The following TANC2 variants were observed in gnomAD, a reference collection of about 807,000 sequenced individuals.
The protein encoded by TANC2 is protein TANC2.
A neutral mutation model predicts 210.5 loss-of-function variants in TANC2; 26 were observed. That is an observed-to-expected ratio of 0.12 (90% CI 0.09 to 0.17). TANC2 has a LOEUF of 0.17. Among genes scored for constraint, TANC2 ranks in the 10% least tolerant of loss-of-function variants. TANC2 has a pLI of 1.00. For missense variants in TANC2, 2,129 were observed against 2,608.9 expected, an observed-to-expected ratio of 0.82 and a Z score of 4.01; for synonymous variants, 931 against 967.1, an observed-to-expected ratio of 0.96 and a Z score of 0.69.
At chr17:63,255,017 C>G (rs1481219077) in intron 8 of TANC2, among the ~76,000 whole-genome samples, 1 of 151,564 alleles carries the variant, frequency 6.6e-6, no homozygotes, top group African/African-American at 2.4e-5. Context: ...CTCTCCTCCT[C>G]TACTTTTTTG....
At chr17:63,197,701 G>A (rs1430727768) in intron 6 of TANC2, 1 of 152,132 alleles carries the variant, frequency 6.6e-6, no homozygotes, top group Non-Finnish European at 1.5e-5. Flanking sequence ...CTTATGTTGT[G>A]TATTTGTAGG....
chr17:63,004,092 A>G (rs555822181), intron 1 of TANC2, among the ~76,000 whole-genome samples: 12 of 152,314 alleles, frequency 7.9e-5, no homozygotes, highest in Admixed American at 3.3e-4. Flanking sequence ...GAACAGGGAA[A>G]GTTTAGAGGG....
intron 5 of TANC2, among the ~76,000 whole-genome samples, chr17:63,189,741 G>T (rs1270632260): frequency 2.0e-5 from 3 of 152,102 alleles, no homozygotes; most frequent in African/African-American, 7.2e-5. Context: ...TTTGAAGCAT[G>T]ACACTTCTTA....
chr17:63,284,609 C>T (rs2044164730), intron 9 of TANC2, among the ~76,000 whole-genome samples: 1 of 151,962 alleles, frequency 6.6e-6, no homozygotes, highest in Non-Finnish European at 1.5e-5. Context: ...TATCAAAGAA[C>T]ATGCTTTGTA....
chr17:63,333,446 G>C (rs1323464859), intron 11 of TANC2, among the ~76,000 whole-genome samples: 6 of 152,202 alleles, frequency 3.9e-5, no homozygotes, highest in African/African-American at 1.4e-4. Flanking sequence ...AGATGTGACT[G>C]AATTGCTATC....
At chr17:63,244,953 G>GC (rs2042876437) in intron 8 of TANC2, among the ~76,000 whole-genome samples, 1 of 152,008 alleles carries the variant, frequency 6.6e-6, no homozygotes, top group African/African-American at 2.4e-5. Flanking sequence ...TGATTGTGAG[G>GC]CCCCCAGCCA....
intron 2 of TANC2, among the ~76,000 whole-genome samples, chr17:63,011,994 CCTTT>C (rs1336867108): frequency 6.7e-6 from 1 of 150,170 alleles, no homozygotes; most frequent in African/African-American, 2.4e-5. Flanking sequence ...TTCCTCTCTT[CCTTT>C]CTTTTGTGTT....
intron 9 of TANC2, among the ~76,000 whole-genome samples, chr17:63,289,605 T>G (rs1362540938): frequency 3.3e-5 from 5 of 152,222 alleles, no homozygotes; most frequent in Non-Finnish European, 5.9e-5. Context: ...GCATGCTGTC[T>G]ACTTTATCCA....
At chr17:63,382,679 A>G (rs1484046463) in intron 15 of TANC2, among the ~76,000 whole-genome samples, 2 of 152,176 alleles carry the variant, frequency 1.3e-5, no homozygotes, top group Non-Finnish European at 2.9e-5. Flanking sequence ...TTTCTCTTTT[A>G]CCCCATTTCT....
chr17:63,059,784 C>A (rs1362423269), intron 2 of TANC2, among the ~76,000 whole-genome samples: 1 of 152,006 alleles, frequency 6.6e-6, no homozygotes, highest in East Asian at 1.9e-4. Flanking sequence ...TGAGAATAGT[C>A]TTGATAGTTT....
chr17:63,176,674 C>T (rs568658441), intron 5 of TANC2, among the ~76,000 whole-genome samples: 167 of 151,888 alleles, frequency 1.1e-3, no homozygotes, highest in Non-Finnish European at 1.8e-3. Context: ...GGTGTGGTGG[C>T]GGGCACCTGT....
intron 3 of TANC2, among the ~76,000 whole-genome samples, chr17:63,075,808 C>A (rs764758893): frequency 1.3e-5 from 2 of 151,882 alleles, no homozygotes; most frequent in Non-Finnish European, 2.9e-5. Flanking sequence ...TGTGAGCCAC[C>A]GCGCCTGGCC....
At chr17:63,190,942 A>G (rs1424660161) in intron 5 of TANC2, among the ~76,000 whole-genome samples, 1 of 152,116 alleles carries the variant, frequency 6.6e-6, no homozygotes, top group African/African-American at 2.4e-5. Context: ...CACTATTTCC[A>G]TTAAATCCTC....
intron 3 of TANC2, among the ~76,000 whole-genome samples, chr17:63,086,602 A>G (rs1249365549): frequency 6.6e-6 from 1 of 152,024 alleles, no homozygotes; most frequent in Non-Finnish European, 1.5e-5. Context: ...ACTTTTTTTC[A>G]TGAAAGCCCA....
chr17:63,037,376 T>C (rs1409059794), intron 2 of TANC2, among the ~76,000 whole-genome samples: 1 of 152,156 alleles, frequency 6.6e-6, no homozygotes, highest in Non-Finnish European at 1.5e-5. Context: ...TGGTAATTTC[T>C]GGGATTTTCC....
At chr17:62,988,072 AGGGACAGATATCT>A (rs2032664033) in intron 1 of TANC2, among the ~76,000 whole-genome samples, 1 of 152,146 alleles carries the variant, frequency 6.6e-6, no homozygotes, top group Admixed American at 6.5e-5. Flanking sequence ...TTACAAGATA[AGGGACAGATATCT>A]GGGAAATCAG....
At chr17:63,187,563 A>G (rs2041034988) in intron 5 of TANC2, among the ~76,000 whole-genome samples, 1 of 152,054 alleles carries the variant, frequency 6.6e-6, no homozygotes, top group Admixed American at 6.6e-5. Context: ...ATATATATAT[A>G]TACATATATG....
At chr17:63,147,890 C>G (rs1285152681) in intron 4 of TANC2, among the ~76,000 whole-genome samples, 1 of 152,140 alleles carries the variant, frequency 6.6e-6, no homozygotes, top group East Asian at 1.9e-4. Flanking sequence ...ACCCCCATGC[C>G]TCAACATATA....
chr17:63,421,366 T>C lies in TANC2; in HGVS notation c.5636T>C (p.Leu1879Pro). 2 of 1,613,960 alleles carry C rather than the reference T, an allele frequency of 1.2e-6. No homozygotes were observed. Among genetic ancestry groups the C allele is most frequent in the Non-Finnish European group, 1.7e-6 (2 of 1,179,870 alleles). ...AATAGTATCTCCTCCACCTCCAACC[T>C]AACTCCGACCTTCCGGCCATCTTCT... Residue 1879 changes from leucine to proline, a missense_variant, in exon 28 of 28, where the codon CTA becomes CCA. This residue lies in a region of TANC2 where 584 missense variants were observed against 627.3 expected (regional missense o/e 0.93). Coordinates refer to ENST00000689528, the Ensembl canonical transcript of TANC2. The surrounding 1 kb of genome is among the most constrained non-coding windows in gnomAD (Gnocchi z 6.9).
Sources: allele counts gnomAD v4.1 joint callset (sites outside exome capture counted in the v4.1 genomes callset), GRCh38; gene constraint gnomAD v4.1.1; regional missense constraint gnomAD v4.1.1; non-coding constraint Gnocchi (gnomAD v3.1); transcripts MANE v1.5; gene names NCBI Gene and HGNC (gene_info 2026-07-23, HGNC 2026-07-21).